MCM9: variants seen among roughly 807,000 people sequenced by gnomAD.
The protein encoded by MCM9 is DNA helicase MCM9.
In MCM9, 55 loss-of-function variants were observed where a neutral mutation model predicts 72.8. The observed-to-expected ratio is 0.76, with a 90% CI of 0.61 to 0.95. The LOEUF is 0.95. MCM9 is among the 40% of genes least tolerant of loss of function. The pLI is 0.00. For synonymous variants in MCM9, 480 were observed against 503.4 expected, an observed-to-expected ratio of 0.95 and a Z score of 0.62; for missense variants, 1,279 against 1,377.0, an observed-to-expected ratio of 0.93 and a Z score of 1.13.
chr6:118,892,010 A>G (rs1778978072), intron 8 of MCM9, among the ~76,000 whole-genome samples: 1 of 152,252 alleles, frequency 6.6e-6, no homozygotes, highest in South Asian at 2.1e-4. Flanking sequence ...AGTCCTACTG[A>G]TTGCCTCTGA....
At chr6:118,926,839 T>A (rs116705653) in intron 3 of MCM9, among the ~76,000 whole-genome samples, 2,180 of 152,296 alleles carry the variant, frequency 0.014, 54 homozygotes, top group African/African-American at 0.05. Flanking sequence ...ATAATTTTTT[T>A]AAATAATTTT....
At chr6:118,849,683 T>C (rs1483848062) in intron 9 of MCM9, among the ~76,000 whole-genome samples, 2 of 151,634 alleles carry the variant, frequency 1.3e-5, no homozygotes, top group Non-Finnish European at 2.9e-5. Context: ...AAGCAACTCT[T>C]GGGAGAAAGG....
intron 11 of MCM9, among the ~76,000 whole-genome samples, chr6:118,827,144 C>G (rs1042481801): frequency 2.0e-5 from 3 of 152,160 alleles, no homozygotes; most frequent in African/African-American, 7.2e-5. Context: ...ATTTAATATT[C>G]AGCAACTTTA....
chr6:118,905,916 A>T, intron 8 of MCM9: 1 of 999,786 alleles, frequency 1.0e-6, no homozygotes, highest in Non-Finnish European at 1.4e-6. Flanking sequence ...TACTATTAAA[A>T]TGGCTTTGAG....
chr6:118,900,901 A>T, intron 8 of MCM9: 1 of 1,472,128 alleles, frequency 6.8e-7, no homozygotes, highest in South Asian at 1.1e-5. Context: ...ATCTTGGTAA[A>T]TGTGTATGCC....
At chr6:118,907,840 A>C (rs773192408) in intron 8 of MCM9, 10 of 452,160 alleles carry the variant, frequency 2.2e-5, no homozygotes, top group Non-Finnish European at 3.6e-5. Flanking sequence ...TTCTGAAACT[A>C]ATCTGATTAA....
At chr6:118,922,754 G>A (rs574308059) in intron 4 of MCM9, among the ~76,000 whole-genome samples, 11 of 152,240 alleles carry the variant, frequency 7.2e-5, no homozygotes, top group South Asian at 2.1e-4. Context: ...GGTTGAGGCC[G>A]GGTGTGGTGG....
chr6:118,840,586 T>C (rs1035406071), intron 9 of MCM9, among the ~76,000 whole-genome samples: 2 of 152,164 alleles, frequency 1.3e-5, no homozygotes, highest in African/African-American at 4.8e-5. Flanking sequence ...CATTTCTATA[T>C]TGACAGGCCT....
intron 11 of MCM9, 64 bp from the exon 12 acceptor site, chr6:118,826,928 T>TTCC (rs1389917393): frequency 8.0e-7 from 1 of 1,248,770 alleles, no homozygotes; most frequent in Non-Finnish European, 1.1e-6. Flanking sequence ...ATTCTCTAAC[T>TTCC]TCCTCCTCCT....
At chr6:118,841,392 T>TA (rs1305085865) in intron 9 of MCM9, among the ~76,000 whole-genome samples, 1 of 152,106 alleles carries the variant, frequency 6.6e-6, no homozygotes, top group Non-Finnish European at 1.5e-5. Flanking sequence ...GGCCCCCCCT[T>TA]AACCAGAGAC....
chr6:118,831,925 A>G (rs971025385), intron 9 of MCM9, among the ~76,000 whole-genome samples: 3 of 152,212 alleles, frequency 2.0e-5, no homozygotes, highest in Non-Finnish European at 4.4e-5. Context: ...AAGTTCAGGA[A>G]TATTAACTTC....
At chr6:118,864,038 T>C (rs1232903732) in intron 8 of MCM9, among the ~76,000 whole-genome samples, 1 of 151,998 alleles carries the variant, frequency 6.6e-6, no homozygotes. Flanking sequence ...CTATAAGATG[T>C]TTACACAAAA....
intron 13 of MCM9, among the ~76,000 whole-genome samples, chr6:118,819,777 A>C (rs1442296372): frequency 6.6e-6 from 1 of 151,912 alleles, no homozygotes; most frequent in East Asian, 1.9e-4. Context: ...GTAGGCTATT[A>C]ATTACTGCCT....
At chr6:118,911,627 C>T (rs1780553113) in intron 8 of MCM9, 23 bp downstream of exon 8, 2 of 1,594,400 alleles carry the variant, frequency 1.3e-6, no homozygotes, top group Middle Eastern at 1.7e-4. Context: ...TGTTAAATTA[C>T]TTGAAATTGT....
intron 9 of MCM9, among the ~76,000 whole-genome samples, chr6:118,833,039 G>T (rs950279445): frequency 6.6e-6 from 1 of 152,156 alleles, no homozygotes. Flanking sequence ...AAGCCTTCCT[G>T]TGCAATCTTT....
At chr6:118,844,344 G>C (rs957543428) in intron 9 of MCM9, among the ~76,000 whole-genome samples, 1 of 151,604 alleles carries the variant, frequency 6.6e-6, no homozygotes, top group Non-Finnish European at 1.5e-5. Flanking sequence ...TGTAGAGTGA[G>C]ACAGAGTGAG....
chr6:118,824,875 C>A (rs567470340), intron 13 of MCM9, among the ~76,000 whole-genome samples: 1 of 152,182 alleles, frequency 6.6e-6, no homozygotes, highest in South Asian at 2.1e-4. Flanking sequence ...AGGATCAACA[C>A]CAGAACATGC....
At chr6:118,879,081 A>G (rs904527918) in intron 8 of MCM9, among the ~76,000 whole-genome samples, 1 of 152,166 alleles carries the variant, frequency 6.6e-6, no homozygotes, top group Non-Finnish European at 1.5e-5. Context: ...CAGACAAAAA[A>G]TACAAAAGAA....
chr6:118,899,822 G>C (rs958958333), intron 8 of MCM9, among the ~76,000 whole-genome samples: 3 of 152,180 alleles, frequency 2.0e-5, no homozygotes, highest in African/African-American at 7.2e-5. Context: ...CACCCTTTGG[G>C]AGTGCTTGTG....
Sources: allele counts gnomAD v4.1 joint callset (sites outside exome capture counted in the v4.1 genomes callset), GRCh38; gene constraint gnomAD v4.1.1; transcripts MANE v1.5; gene names NCBI Gene and HGNC (gene_info 2026-07-23, HGNC 2026-07-21).